LRMDA: variants seen among roughly 807,000 people sequenced by gnomAD.
LRMDA encodes leucine-rich melanocyte differentiation-associated protein.
In LRMDA, 18 loss-of-function variants were observed where a neutral mutation model predicts 29.8. The ratio of observed to expected loss-of-function variants is 0.60; its 90% CI spans 0.42 to 0.90. The LOEUF is 0.90. Among genes scored for constraint, LRMDA ranks in the 40% least tolerant of loss-of-function variants. LRMDA has a pLI of 0.00. For synonymous variants in LRMDA, 125 were observed against 109.4 expected (o/e 1.14, Z -0.89); for missense variants, 273 against 273.9 (o/e 1.00, Z 0.02).
intron 6 of LRMDA, among the ~76,000 whole-genome samples, chr10:76,373,992 C>G (rs1841486524): frequency 6.6e-6 from 1 of 152,094 alleles, no homozygotes; most frequent in Admixed American, 6.5e-5. Flanking sequence ...ATATGTCAGC[C>G]CAAAATATAG....
intron 2 of LRMDA, among the ~76,000 whole-genome samples, chr10:75,614,119 C>A (rs905472447): frequency 1.3e-5 from 2 of 152,132 alleles, no homozygotes; most frequent in African/African-American, 4.8e-5. Flanking sequence ...CTTGTTCACC[C>A]TATCACCCCT....
intron 6 of LRMDA, among the ~76,000 whole-genome samples, chr10:76,555,448 G>A (rs1431754005): frequency 6.6e-6 from 1 of 152,098 alleles, no homozygotes; most frequent in African/African-American, 2.4e-5. Flanking sequence ...TGGGAACATG[G>A]CAGGAAGTAA....
At chr10:76,398,194 GGCCTTGATTA>G (rs1841809196) in intron 6 of LRMDA, among the ~76,000 whole-genome samples, 1 of 152,092 alleles carries the variant, frequency 6.6e-6, no homozygotes, top group South Asian at 2.1e-4. Context: ...GAACTGTTTG[GGCCTTGATTA>G]GCTCATGCGG....
chr10:76,355,011 A>G (rs768012261), intron 6 of LRMDA, among the ~76,000 whole-genome samples: 9 of 152,120 alleles, frequency 5.9e-5, no homozygotes, highest in Non-Finnish European at 1.3e-4. Flanking sequence ...TTTCACTGGC[A>G]GTGCTGTCCT....
chr10:75,987,205 C>G (rs1166559379), intron 2 of LRMDA, among the ~76,000 whole-genome samples: 1 of 152,158 alleles, frequency 6.6e-6, no homozygotes, highest in Non-Finnish European at 1.5e-5. Context: ...TAGGCACCTT[C>G]TGCTTATGAC....
chr10:75,435,531 A>G (rs943948417), intron 1 of LRMDA, among the ~76,000 whole-genome samples: 4 of 152,252 alleles, frequency 2.6e-5, no homozygotes, highest in African/African-American at 2.4e-5. Flanking sequence ...TTATCTAAGC[A>G]TGCAGATTAC....
At chr10:76,327,205 C>T (rs1840846335) in intron 6 of LRMDA, among the ~76,000 whole-genome samples, 1 of 151,600 alleles carries the variant, frequency 6.6e-6, no homozygotes, top group Non-Finnish European at 1.5e-5. Context: ...GATTCTCCTG[C>T]CTCAGCCTCC....
In LRMDA at chr10:76,192,623, A is replaced by T. The variant is rs184701121; in HGVS notation, c.517-131778A>T. On this transcript the variant is annotated intron_variant, in intron 5 of 6. Coordinates refer to ENST00000611255, the MANE Select transcript of LRMDA (RefSeq NM_001305581.2). The stretch of plus-strand genomic sequence containing the variant: ...AAATTGCTGTTTCTTGTTGATAGTT[A>T]AAATTTCATTGGCTGGATGTGATTT... 3.1e-3 allele frequency among the ~76,000 whole-genome samples: 470 copies of T among 152,350 alleles called. 1 individual carries two copies. Among genetic ancestry groups the T allele is most frequent in the South Asian group, 5.4e-3 (26 of 4,828 alleles).
At chr10:75,703,164 CA>C (rs1334131180) in intron 2 of LRMDA, among the ~76,000 whole-genome samples, 4 of 151,876 alleles carry the variant, frequency 2.6e-5, no homozygotes, top group African/African-American at 9.7e-5. Context: ...ATAATTTTGT[CA>C]AAGCAAAATA....
chr10:76,005,069 G>A (rs532159682), intron 2 of LRMDA, among the ~76,000 whole-genome samples: 1 of 152,226 alleles, frequency 6.6e-6, no homozygotes, highest in Admixed American at 6.5e-5. Context: ...AAATGGATAA[G>A]TGTAAATCCT....
intron 2 of LRMDA, among the ~76,000 whole-genome samples, chr10:75,629,769 C>T (rs912396684): frequency 6.6e-6 from 1 of 152,064 alleles, no homozygotes; most frequent in Non-Finnish European, 1.5e-5. Context: ...GATTTAATTC[C>T]ATCTCAGAAA....
At chr10:75,617,280 A>G (rs1017714385) in intron 2 of LRMDA, among the ~76,000 whole-genome samples, 5 of 152,198 alleles carry the variant, frequency 3.3e-5, no homozygotes, top group Non-Finnish European at 4.4e-5. Context: ...AAGGGCACAT[A>G]GGGACGGCTG....
At chr10:75,924,737 C>T (rs1450631987) in intron 2 of LRMDA, among the ~76,000 whole-genome samples, 1 of 151,402 alleles carries the variant, frequency 6.6e-6, no homozygotes, top group Non-Finnish European at 1.5e-5. Flanking sequence ...AGACATTAAA[C>T]AAGGGGGTGG....
At chr10:75,712,240 G>A (rs922734585) in intron 2 of LRMDA, among the ~76,000 whole-genome samples, 3 of 151,986 alleles carry the variant, frequency 2.0e-5, no homozygotes, top group African/African-American at 7.2e-5. Flanking sequence ...ATCCCTCCCC[G>A]CCCCCCTTGT....
intron 6 of LRMDA, among the ~76,000 whole-genome samples, chr10:76,410,298 C>CTTTTTTTTTTTTT (rs1172213249): frequency 1.5e-5 from 1 of 66,544 alleles, no homozygotes; most frequent in Non-Finnish European, 2.8e-5. Context: ...CACTTTCTTT[C>CTTTTTTTTTTTTT]TTTTTTTTTT....
At chr10:75,456,015 C>G (rs188835497) in intron 2 of LRMDA, among the ~76,000 whole-genome samples, 1 of 152,338 alleles carries the variant, frequency 6.6e-6, no homozygotes, top group East Asian at 1.9e-4. Flanking sequence ...AAGACATAAA[C>G]CCTTTTGCTG....
intron 6 of LRMDA, among the ~76,000 whole-genome samples, chr10:76,472,063 T>C (rs1842623522): frequency 6.6e-6 from 1 of 151,666 alleles, no homozygotes; most frequent in Non-Finnish European, 1.5e-5. Flanking sequence ...GACAACACTA[T>C]AAACCAACTT....
intron 2 of LRMDA, among the ~76,000 whole-genome samples, chr10:75,518,343 TGGTTGGTA>T (rs1416846568): frequency 6.6e-6 from 1 of 152,224 alleles, no homozygotes; most frequent in South Asian, 2.1e-4. Flanking sequence ...GGACTTTTTT[TGGTTGGTA>T]GGCTGTTAAT....
chr10:75,806,360 C>CTCT (rs150851499), intron 2 of LRMDA, among the ~76,000 whole-genome samples: 5,515 of 152,286 alleles, frequency 0.036, 265 homozygotes, highest in African/African-American at 0.11. Context: ...GAATTCATAT[C>CTCT]TCTTGTACTT....
Sources: gnomAD v4.1 joint callset for allele counts (sites outside exome capture counted in the v4.1 genomes callset) on GRCh38, gnomAD v4.1.1 for gene constraint, MANE v1.5 for transcripts, NCBI Gene and HGNC (gene_info 2026-07-23, HGNC 2026-07-21) for gene names.